The following FBLN7 variants were observed in gnomAD, a reference collection of about 807,000 sequenced individuals.
FBLN7 encodes the protein fibulin 7, also known as fibulin-7.
In FBLN7, 31 loss-of-function variants were observed where a neutral mutation model predicts 44.0. The observed-to-expected ratio is 0.70, with a 90% CI of 0.53 to 0.95. The LOEUF is 0.95. FBLN7 is among the 40% of genes least tolerant of loss of function. The pLI, the probability that FBLN7 is intolerant of heterozygous loss-of-function variation, is 0.00. For synonymous variants in FBLN7, 262 were observed against 253.4 expected (o/e 1.03, Z -0.32); for missense variants, 573 against 618.5 (o/e 0.93, Z 0.78).
the FBLN7 span, chr2:112,230,958 A>T: frequency 1.8e-5 from 18 of 1,020,466 alleles, no homozygotes; most frequent in Non-Finnish European, 1.8e-5. Flanking sequence ...AACCTAATAT[A>T]AAAAAAAAAT....
the FBLN7 span, among the ~76,000 whole-genome samples, chr2:112,207,847 T>C: frequency 9.6e-4 from 146 of 152,374 alleles, no homozygotes; most frequent in African/African-American, 3.2e-3. Context: ...TGTTTAATGT[T>C]TGCATGTTGC....
chr2:112,181,761 C>A lies in FBLN7; in HGVS notation c.555C>A (p.Ala185=). The A allele has an allele frequency of 7.1e-7, 1 of 1,407,306 alleles. No individual in the cohort carries two copies. Among genetic ancestry groups the A allele is most frequent in the Non-Finnish European group, 9.2e-7 (1 of 1,087,608 alleles). 87.2% of individuals were successfully genotyped at this position (1,407,306 alleles called of 1,614,324 possible). Residue 185 remains alanine, a synonymous_variant, in exon 5 of 8, where the codon GCC becomes GCA. Transcript: ENST00000331203. ...CAGCCGCCCCCGAGGGCAGCGTGGCCGGCGACTCCGCCTTCAGCCGCGCGC... is the reference window on the plus strand; with the variant it reads ...CAGCCGCCCCCGAGGGCAGCGTGGCAGGCGACTCCGCCTTCAGCCGCGCGC... The part of the protein sequence containing the change: ...AQTAAPEGSV[A]GDSAFSRAPR...
the FBLN7 span, among the ~76,000 whole-genome samples, chr2:112,237,401 T>G: frequency 1.3e-5 from 2 of 152,182 alleles, no homozygotes; most frequent in Non-Finnish European, 2.9e-5. Context: ...GATTTTTCAC[T>G]GAAAACATTT....
intron 3 of FBLN7, among the ~76,000 whole-genome samples, chr2:112,169,238 A>T (rs1682326627): frequency 6.6e-6 from 1 of 152,136 alleles, no homozygotes; most frequent in Non-Finnish European, 1.5e-5. Context: ...ACACCACTGC[A>T]CTCCAGCCTG....
At chr2:112,237,893 G>T in the FBLN7 span, among the ~76,000 whole-genome samples, 1 of 152,138 alleles carries the variant, frequency 6.6e-6, no homozygotes, top group Non-Finnish European at 1.5e-5. Context: ...ATTGCCATTT[G>T]CCCTCATATT....
At position 112,142,582 on chromosome 2, in the gene FBLN7, T is replaced by G. The variant is rs560061044; in HGVS notation, c.75+3852T>G. 6.6e-5 allele frequency among the ~76,000 whole-genome samples: 10 copies of G among 152,210 alleles called. No homozygotes were observed. In the South Asian group the frequency reaches 1.9e-3, roughly 28 times the overall value. On this transcript the variant is annotated intron_variant, in intron 1 of 7. Coordinates refer to ENST00000331203, the MANE Select transcript of FBLN7 (RefSeq NM_153214.3). ...ATGAGATGGGTCAGGTGGGAGGCAC[T>G]GAGGACAGGCTTCCTCGACCAAGGC...
intron 3 of FBLN7, among the ~76,000 whole-genome samples, chr2:112,175,163 G>A (rs977824699): frequency 5.3e-5 from 8 of 152,172 alleles, no homozygotes; most frequent in Non-Finnish European, 1.0e-4. Flanking sequence ...AGCACAGTAG[G>A]GCTTCTGGTT....
the FBLN7 span, among the ~76,000 whole-genome samples, chr2:112,209,571 GAC>G: frequency 6.6e-6 from 1 of 152,182 alleles, no homozygotes; most frequent in South Asian, 2.1e-4. Context: ...GGGAGACAGA[GAC>G]ACAGTGTGTC....
chr2:112,234,873 C>A, the FBLN7 span, among the ~76,000 whole-genome samples: 1 of 151,786 alleles, frequency 6.6e-6, no homozygotes, highest in Non-Finnish European at 1.5e-5. Flanking sequence ...GAACGAAGAT[C>A]TTTAGAGTGG....
At chr2:112,216,424 G>C in the FBLN7 span, 1 of 152,350 alleles carries the variant, frequency 6.6e-6, no homozygotes, top group Admixed American at 6.5e-5. Context: ...GAACAGTCTT[G>C]AACACGCATG....
chr2:112,143,997 C>T (rs901034066), intron 1 of FBLN7, among the ~76,000 whole-genome samples: 6 of 152,082 alleles, frequency 3.9e-5, no homozygotes, highest in African/African-American at 1.4e-4. Flanking sequence ...GCATTTACCC[C>T]GAGATAACTT....
At chr2:112,160,752 GCACACACGCA>G (rs1329099000) in intron 2 of FBLN7, among the ~76,000 whole-genome samples, 3 of 32,432 alleles carry the variant, frequency 9.3e-5, no homozygotes, top group Non-Finnish European at 1.3e-4. Context: ...ACACGCGCAC[GCACACACGCA>G]CGCACACGCA....
chr2:112,202,211 G>T, the FBLN7 span, among the ~76,000 whole-genome samples: 1 of 152,126 alleles, frequency 6.6e-6, no homozygotes, highest in Non-Finnish European at 1.5e-5. Flanking sequence ...ACAGTCATGT[G>T]CACTTTATCT....
At chr2:112,154,921 C>T (rs760833654) in intron 1 of FBLN7, among the ~76,000 whole-genome samples, 13 of 152,130 alleles carry the variant, frequency 8.5e-5, no homozygotes, top group Non-Finnish European at 1.8e-4. Flanking sequence ...GATGCCACAG[C>T]CAGTGTTGAG....
At chr2:112,217,449 T>C in the FBLN7 span, among the ~76,000 whole-genome samples, 1 of 152,346 alleles carries the variant, frequency 6.6e-6, no homozygotes, top group South Asian at 2.1e-4. Context: ...GTATAAAATG[T>C]GAAACCACAT....
chr2:112,218,265 A>G, the FBLN7 span, among the ~76,000 whole-genome samples: 1 of 152,350 alleles, frequency 6.6e-6, no homozygotes, highest in South Asian at 2.1e-4. Context: ...ACATTCTTAA[A>G]TGAACCTCAC....
chr2:112,141,758 C>T (rs934915222), intron 1 of FBLN7, among the ~76,000 whole-genome samples: 12 of 152,198 alleles, frequency 7.9e-5, no homozygotes, highest in African/African-American at 2.9e-4. Context: ...GAGAACCAGG[C>T]CCTGCCATTG....
At chr2:112,222,158 G>GT in the FBLN7 span, among the ~76,000 whole-genome samples, 2 of 152,132 alleles carry the variant, frequency 1.3e-5, no homozygotes, top group African/African-American at 4.8e-5. Context: ...TACTGTCTCT[G>GT]TGCCCATGTT....
the FBLN7 span, chr2:112,234,204 C>T: frequency 6.2e-7 from 1 of 1,609,048 alleles, no homozygotes; most frequent in South Asian, 1.1e-5. Context: ...ATGCCTGACT[C>T]AAATGCTGCT....
Sources: allele counts gnomAD v4.1 joint callset (sites outside exome capture counted in the v4.1 genomes callset), GRCh38; gene constraint gnomAD v4.1.1; transcripts MANE v1.5; gene names NCBI Gene and HGNC (gene_info 2026-07-23, HGNC 2026-07-21).